Variants in DCC observed in about 807,000 individuals in gnomAD.
DCC encodes the protein DCC netrin 1 receptor.
DCC carries 58 observed loss-of-function variants against 172.5 expected under a neutral mutation model. The observed-to-expected ratio is 0.34, with a 90% CI of 0.27 to 0.42. DCC has a LOEUF of 0.42. Ranked by LOEUF, DCC falls within the 10% of genes least tolerant of loss-of-function variation. The pLI, the probability that DCC is intolerant of heterozygous loss-of-function variation, is 1.00. For missense variants in DCC, 1,740 were observed against 1,791.0 expected, an observed-to-expected ratio of 0.97 and a Z score of 0.51; for synonymous variants, 709 against 644.5, an observed-to-expected ratio of 1.10 and a Z score of -1.52.
intron 12 of DCC, among the ~76,000 whole-genome samples, chr18:53,220,684 CA>C (rs1190580388): frequency 3.3e-5 from 5 of 152,304 alleles, no homozygotes; most frequent in African/African-American, 1.2e-4. Flanking sequence ...CACTTGTCCT[CA>C]ATCATAACAC....
At chr18:52,598,832 G>A (rs2033959498) in intron 1 of DCC, among the ~76,000 whole-genome samples, 1 of 152,160 alleles carries the variant, frequency 6.6e-6, no homozygotes, top group African/African-American at 2.4e-5. Context: ...ATGTTTGGAT[G>A]TCTGGGAGGG....
intron 14 of DCC, among the ~76,000 whole-genome samples, chr18:53,339,490 G>T (rs1346152469): frequency 6.6e-6 from 1 of 152,138 alleles, no homozygotes; most frequent in Non-Finnish European, 1.5e-5. Flanking sequence ...TACCTACCAT[G>T]CCCATGGAAA....
intron 12 of DCC, among the ~76,000 whole-genome samples, chr18:53,236,803 G>A (rs776816180): frequency 3.9e-5 from 6 of 151,972 alleles, no homozygotes; most frequent in African/African-American, 7.2e-5. Context: ...CAGTTTTGTC[G>A]GCACCATTTA....
At chr18:53,490,249 G>A (rs1342262640) in intron 26 of DCC, among the ~76,000 whole-genome samples, 1 of 152,090 alleles carries the variant, frequency 6.6e-6, no homozygotes, top group Non-Finnish European at 1.5e-5. Flanking sequence ...TAAGAAACTG[G>A]GGTTATGTAA....
chr18:53,001,874 T>A (rs900607655), intron 5 of DCC, among the ~76,000 whole-genome samples: 6 of 152,106 alleles, frequency 3.9e-5, no homozygotes, highest in Admixed American at 3.9e-4. Context: ...TGTAGTTTAA[T>A]CAACCTCCAT....
At chr18:52,942,973 T>C (rs746339902) in intron 5 of DCC, among the ~76,000 whole-genome samples, 11 of 152,226 alleles carry the variant, frequency 7.2e-5, no homozygotes, top group Admixed American at 5.2e-4. Context: ...AAGATTTTAA[T>C]TTAATGGTAG....
intron 1 of DCC, among the ~76,000 whole-genome samples, chr18:52,367,265 C>T (rs536569733): frequency 4.5e-4 from 68 of 152,330 alleles, no homozygotes; most frequent in African/African-American, 1.5e-3. Flanking sequence ...CACGCAGCCC[C>T]GGTTCCCGCT....
chr18:52,492,038 C>T (rs561791219), intron 1 of DCC, among the ~76,000 whole-genome samples: 1 of 151,842 alleles, frequency 6.6e-6, no homozygotes, highest in Non-Finnish European at 1.5e-5. Context: ...TATCAAGGGC[C>T]ACGGATATAG....
intron 2 of DCC, among the ~76,000 whole-genome samples, chr18:52,871,646 G>C (rs1006136637): frequency 1.3e-5 from 2 of 151,962 alleles, no homozygotes; most frequent in African/African-American, 4.8e-5. Flanking sequence ...GTAGAAACAG[G>C]GTCTTGTCAT....
intron 5 of DCC, among the ~76,000 whole-genome samples, chr18:52,954,559 C>T (rs989689360): frequency 2.0e-5 from 3 of 151,998 alleles, no homozygotes; most frequent in Non-Finnish European, 4.4e-5. Context: ...CTCAGAGAAG[C>T]GTAGGGAAAT....
intron 7 of DCC, among the ~76,000 whole-genome samples, chr18:53,106,867 C>T (rs1009224682): frequency 6.6e-6 from 1 of 151,876 alleles, no homozygotes; most frequent in African/African-American, 2.4e-5. Context: ...TGCTCTACTA[C>T]AAGAATGCCT....
chr18:52,571,710 G>A (rs965437637), intron 1 of DCC, among the ~76,000 whole-genome samples: 2 of 152,162 alleles, frequency 1.3e-5, no homozygotes, highest in African/African-American at 4.8e-5. Flanking sequence ...AGGCTGGTGA[G>A]GTCTTGCTAT....
At chr18:53,223,691 T>A (rs2055977604) in intron 12 of DCC, among the ~76,000 whole-genome samples, 1 of 152,182 alleles carries the variant, frequency 6.6e-6, no homozygotes, top group African/African-American at 2.4e-5. Flanking sequence ...GTGATTTGAT[T>A]TTAAAGATGT....
chr18:53,510,873 T>C (rs2046243053), intron 27 of DCC, among the ~76,000 whole-genome samples: 1 of 152,220 alleles, frequency 6.6e-6, no homozygotes, highest in Non-Finnish European at 1.5e-5. Context: ...TCTCTCACTC[T>C]CACATACTCC....
At chr18:52,780,096 A>G (rs1032311466) in intron 2 of DCC, among the ~76,000 whole-genome samples, 1 of 152,332 alleles carries the variant, frequency 6.6e-6, no homozygotes, top group African/African-American at 2.4e-5. Context: ...TTAATTAACC[A>G]TCAAGGTTTT....
intron 1 of DCC, among the ~76,000 whole-genome samples, chr18:52,568,770 C>T (rs1026018253): frequency 3.3e-5 from 5 of 152,088 alleles, no homozygotes; most frequent in East Asian, 3.9e-4. Flanking sequence ...CAGCAGTGAA[C>T]GTGCAAGGTG....
At chr18:52,808,165 T>C (rs1240056539) in intron 2 of DCC, among the ~76,000 whole-genome samples, 1 of 150,574 alleles carries the variant, frequency 6.6e-6, no homozygotes, top group Non-Finnish European at 1.5e-5. Context: ...CGTGCACACA[T>C]ATACAAGTTA....
intron 1 of DCC, among the ~76,000 whole-genome samples, chr18:52,725,224 C>T (rs2036533953): frequency 6.6e-6 from 1 of 152,266 alleles, no homozygotes; most frequent in Non-Finnish European, 1.5e-5. Context: ...ATGAAATGCT[C>T]AGAAAGTTGG....
chr18:52,757,802 T>C (rs2037098993), intron 2 of DCC, among the ~76,000 whole-genome samples: 1 of 152,176 alleles, frequency 6.6e-6, no homozygotes, highest in African/African-American at 2.4e-5. Context: ...GAAACTGTGA[T>C]TTAAGTACCC....
Sources: gnomAD v4.1 joint callset for allele counts (sites outside exome capture counted in the v4.1 genomes callset) on GRCh38, gnomAD v4.1.1 for gene constraint, MANE v1.5 for transcripts, NCBI Gene and HGNC (gene_info 2026-07-23, HGNC 2026-07-21) for gene names.